Variants in SCN11A observed in about 807,000 individuals in gnomAD.
SCN11A encodes sodium voltage-gated channel alpha subunit 11.
Under a neutral mutation model 162.2 loss-of-function variants are expected in SCN11A, and 122 were observed. The ratio of observed to expected loss-of-function variants is 0.75; its 90% CI spans 0.65 to 0.87. The LOEUF (loss-of-function observed/expected upper bound fraction) is 0.87, where lower values mean the gene tolerates loss of function less well. SCN11A is among the 40% of genes least tolerant of loss of function. The pLI is 0.00. For synonymous variants in SCN11A, 758 were observed against 751.5 expected (o/e 1.01, Z -0.14); for missense variants, 2,015 against 2,181.6 (o/e 0.92, Z 1.52).
intron 2 of SCN11A, among the ~76,000 whole-genome samples, chr3:39,017,256 ATCT>A (rs2031316034): frequency 6.6e-6 from 1 of 152,218 alleles, no homozygotes; most frequent in Non-Finnish European, 1.5e-5. Context: ...GTCTGCCTGC[ATCT>A]TGCTCTTGGA....
At chr3:39,038,857 A>G (rs1409939190) in intron 1 of SCN11A, among the ~76,000 whole-genome samples, 1 of 152,258 alleles carries the variant, frequency 6.6e-6, no homozygotes, top group Non-Finnish European at 1.5e-5. Context: ...TAAAAAATAC[A>G]TAAACAAGAT....
rs2065615099 is a variant in SCN11A, at chr3:38,897,090, T to C, written c.2158A>G (p.Met720Val). The C allele has an allele frequency of 1.9e-6, 3 of 1,614,020 alleles. No individual in the cohort carries two copies. Among genetic ancestry groups the C allele is most frequent in the Admixed American group, 1.7e-5 (1 of 60,008 alleles). Reference sequence around the variant, plus strand: ...TTGAAGCTACGGCCAAAAAGCTGCATGCCAACTACTGAGAAAATAAAGATC... The same window carrying C: ...TTGAAGCTACGGCCAAAAAGCTGCACGCCAACTACTGAGAAAATAAAGATC... ...IVIFIFSVVG[M>V]QLFGRSFNSQ... The change falls in exon 18 of 30, where the codon ATG becomes GTG. Residue 720 changes from methionine (M) to valine (V), a missense_variant. By Grantham distance (21) the Met-to-Val change is conservative. Coordinates refer to ENST00000302328, the MANE Select transcript of SCN11A (RefSeq NM_001349253.2).
rs552347274 is a variant in SCN11A, at chr3:38,876,931, A to G, written c.3393+3019T>C. 2.0e-5 allele frequency among the ~76,000 whole-genome samples: 3 copies of G among 151,752 alleles called. No homozygotes were observed. The Admixed American group carries it at 2.0e-4, about 10-fold the overall frequency. ...TTATAGCAGCACAATTCGCAATTGC[A>G]AAAATATGGATTCAGCCCAAATGCC... On this transcript the variant is annotated intron_variant, in intron 23 of 29. Coordinates refer to ENST00000302328, the MANE Select transcript of SCN11A (RefSeq NM_001349253.2).
At chr3:38,920,278 T>C (rs963251060) in intron 10 of SCN11A, among the ~76,000 whole-genome samples, 2 of 152,026 alleles carry the variant, frequency 1.3e-5, no homozygotes, top group African/African-American at 4.8e-5. Flanking sequence ...AGATCCTCCC[T>C]GGGGGAAGCT....
Position 38,897,204 on chromosome 3 carries a change from T to C in SCN11A, c.2044A>G (p.Lys682Glu). Residue 682 changes from lysine (K) to glutamate (E), a missense_variant, in exon 18 of 30, where the codon AAA becomes GAA. Lys to Glu is a moderately conservative substitution (Grantham distance 56, BLOSUM62 1). Transcript: ENST00000302328. Reference protein sequence around the residue: ...FRVLRVFKLAKSWPTLNTLIK... With the variant: ...FRVLRVFKLAESWPTLNTLIK... ...AGTGTGTTCAAAGTTGGCCAGGATT[T>C]GGCTAACTTGAAGACCCTGAGCTGT... 6.2e-7 allele frequency: 1 copy of C among 1,610,836 alleles called. No individual in the cohort carries two copies. The highest frequency in any genetic ancestry group is 8.5e-7 in the Non-Finnish European group (1 of 1,178,452).
intron 2 of SCN11A, among the ~76,000 whole-genome samples, chr3:38,989,452 A>T (rs2030381020): frequency 6.6e-6 from 1 of 152,258 alleles, no homozygotes; most frequent in Admixed American, 6.5e-5. Context: ...AAGCTGGAAC[A>T]GCTAGGTACA....
Position 38,900,085 on chromosome 3 carries a change from C to A in SCN11A, c.1843-12G>T. 6.2e-7 allele frequency: 1 copy of A among 1,610,938 alleles called. No homozygotes were observed. Among genetic ancestry groups the A allele is most frequent in the Non-Finnish European group, 8.5e-7 (1 of 1,177,638 alleles). ...ATGCTAGTGAAAACCTAGAGTGGGACAAAGAAGAATGAGAGAAGGAAGCTG... is the reference window on the plus strand; with the variant it reads ...ATGCTAGTGAAAACCTAGAGTGGGAAAAAGAAGAATGAGAGAAGGAAGCTG... On this transcript the variant is annotated splice_polypyrimidine_tract_variant and intron_variant, in intron 16 of 29. Transcript: ENST00000302328.
chr3:38,969,065 G>C (rs1005199415), intron 2 of SCN11A, among the ~76,000 whole-genome samples: 1 of 152,092 alleles, frequency 6.6e-6, no homozygotes, highest in East Asian at 1.9e-4. Flanking sequence ...GCAGTGGCTT[G>C]CTGACTTATT....
chr3:38,956,672 T>C (rs961048594), intron 3 of SCN11A, among the ~76,000 whole-genome samples: 15 of 152,190 alleles, frequency 9.9e-5, no homozygotes, highest in Admixed American at 9.8e-4. Context: ...AAAATTATGA[T>C]ATAATTCAGG....
At chr3:38,912,850 G>A (rs1201755198) in intron 11 of SCN11A, among the ~76,000 whole-genome samples, 1 of 152,140 alleles carries the variant, frequency 6.6e-6, no homozygotes, top group Non-Finnish European at 1.5e-5. Context: ...TCATGTATGT[G>A]TACCACATTT....
chr3:38,930,424 CA>C (rs1341766014), intron 7 of SCN11A, among the ~76,000 whole-genome samples: 1 of 152,182 alleles, frequency 6.6e-6, no homozygotes, highest in Admixed American at 6.5e-5. Flanking sequence ...TGTAGGGTTG[CA>C]GGAGGTTGTT....
intron 16 of SCN11A, among the ~76,000 whole-genome samples, chr3:38,903,013 T>G (rs1407437288): frequency 6.6e-6 from 1 of 152,210 alleles, no homozygotes; most frequent in Non-Finnish European, 1.5e-5. Context: ...ACATGGGACA[T>G]GAATTTCTTC....
At chr3:38,861,864 G>A (rs558518677) in intron 28 of SCN11A, among the ~76,000 whole-genome samples, 47 of 152,150 alleles carry the variant, frequency 3.1e-4, no homozygotes, top group African/African-American at 1.1e-3. Flanking sequence ...AAATGCAAAT[G>A]CAACAAAAAC....
chr3:38,883,483 A>G, intron 21 of SCN11A, 96 bp from the exon 22 acceptor site: 1 of 1,154,166 alleles, frequency 8.7e-7, no homozygotes, highest in Non-Finnish European at 1.2e-6. Flanking sequence ...GCCCCTTGCC[A>G]TGCGACCTGC....
chr3:38,907,849 A>G (rs750879129), intron 14 of SCN11A, 100 bp downstream of exon 14: 125 of 1,027,064 alleles, frequency 1.2e-4, no homozygotes, highest in Non-Finnish European at 1.8e-4. Flanking sequence ...GAATGAATAA[A>G]TGAGTAACTG....
chr3:38,993,518 A>G (rs554030854), intron 2 of SCN11A, among the ~76,000 whole-genome samples: 3 of 152,332 alleles, frequency 2.0e-5, no homozygotes, highest in African/African-American at 4.8e-5. Context: ...TGGTTTTACT[A>G]TAAGAAACAA....
At chr3:38,923,562 C>A (rs2066087663) in intron 9 of SCN11A, among the ~76,000 whole-genome samples, 1 of 152,188 alleles carries the variant, frequency 6.6e-6, no homozygotes, top group Non-Finnish European at 1.5e-5. Flanking sequence ...CTCTCTTTTG[C>A]TCACACCATG....
intron 4 of SCN11A, among the ~76,000 whole-genome samples, chr3:38,953,225 T>C (rs2125579980): frequency 1.3e-5 from 2 of 151,866 alleles, no homozygotes; most frequent in South Asian, 4.2e-4. Context: ...CATGGACACA[T>C]AGAGGGGGAC....
chr3:38,891,775 A>G (rs768901344), intron 19 of SCN11A, among the ~76,000 whole-genome samples: 33 of 152,324 alleles, frequency 2.2e-4, no homozygotes, highest in Non-Finnish European at 4.6e-4. Flanking sequence ...TACTCCCACA[A>G]TAACAGCATT....
Sources: gnomAD v4.1 joint callset for allele counts (sites outside exome capture counted in the v4.1 genomes callset) on GRCh38, gnomAD v4.1.1 for gene constraint, MANE v1.5 for transcripts, NCBI Gene and HGNC (gene_info 2026-07-23, HGNC 2026-07-21) for gene names.